The following PEX2 variants were observed in gnomAD, a reference collection of about 807,000 sequenced individuals.
PEX2 encodes the protein peroxisome biogenesis factor 2.
PEX2 carries 19 observed loss-of-function variants against 25.2 expected under a neutral mutation model. The ratio of observed to expected loss-of-function variants is 0.75; its 90% CI spans 0.53 to 1.10. PEX2 has a LOEUF of 1.10. PEX2 is among the 50% of genes least tolerant of loss of function. PEX2 has a pLI of 0.00. For synonymous variants in PEX2, 141 were observed against 127.7 expected (o/e 1.10, Z -0.70); for missense variants, 347 against 350.6 (o/e 0.99, Z 0.08).
At chr8:76,999,682 T>G (rs1238188346) in intron 1 of PEX2, 2 of 366,154 alleles carry the variant, frequency 5.5e-6, no homozygotes, top group Non-Finnish European at 1.1e-5. Flanking sequence ...GACCGCCAAA[T>G]GAGAGAAAAA....
At chr8:76,999,938 CTGAAAACAAGACCT>C (rs773847172) in intron 1 of PEX2, 38 bp downstream of exon 1, 6 of 456,640 alleles carry the variant, frequency 1.3e-5, no homozygotes, top group South Asian at 9.3e-5. Context: ...GACCTCCCAG[CTGAAAACAAGACCT>C]CGGGTTTGCA....
chr8:76,982,374 C>T lies in PEX2; in HGVS notation c.*887G>A, dbSNP rs1806856170. 1 of 152,208 alleles carries T rather than the reference C, an allele frequency of 6.6e-6. No homozygotes were observed. The highest frequency in any genetic ancestry group is 6.5e-5 in the Admixed American group (1 of 15,272). The allele number at this position is 152,208 out of a possible 1,614,324, so 9.4% of individuals were successfully genotyped here. A position where few individuals can be genotyped will look rare whatever the true frequency, so the allele number is the denominator to read the frequency against. On this transcript the variant is annotated 3_prime_UTR_variant, in exon 4 of 4. Coordinates refer to ENST00000357039, the MANE Select transcript of PEX2 (RefSeq NM_000318.3). ...AGACCTGTAAATAGTGCTGTTCATA[C>T]TAGTTGCCCCCAGTAGTTCCCAGGC...
At position 76,983,679 on chromosome 8, in the gene PEX2, G is replaced by A. The variant is rs959875758; in HGVS notation, c.500C>T (p.Thr167Ile). The part of the protein sequence containing the change: ...FLQRGKFATL[T>I]ERLLGIHSVF... The stretch of plus-strand genomic sequence containing the variant: ...AGAATGAATACCTAGGAGACGTTCT[G>A]TCAAAGTTGCAAACTTTCCCCTCTG... Residue 167 changes from threonine (T) to isoleucine (I), a missense_variant, in exon 4 of 4, where the codon ACA (threonine) becomes ATA (isoleucine). Physicochemically the swap from Thr to Ile is moderately conservative, Grantham distance 89 (BLOSUM62 -1). Coordinates refer to ENST00000357039, the MANE Select transcript of PEX2 (RefSeq NM_000318.3). 1 of 1,613,976 alleles carries A rather than the reference G, an allele frequency of 6.2e-7. No homozygotes were observed. Among genetic ancestry groups the A allele is most frequent in the African/African-American group, 1.3e-5 (1 of 74,916 alleles).
In PEX2 at chr8:76,981,821, A is replaced by G. The variant is rs1563604574; in HGVS notation, c.*1440T>C. ...GTTTTAAAATTACAGAAGGCAAAAG[A>G]AGGCAAATTCTTAAGATGTAAAATA... On this transcript the variant is annotated 3_prime_UTR_variant, in exon 4 of 4. Transcript: ENST00000357039. 1 of 152,230 alleles carries G rather than the reference A, an allele frequency of 6.6e-6. No individual in the cohort carries two copies. Among genetic ancestry groups the G allele is most frequent in the Non-Finnish European group, 1.5e-5 (1 of 68,040 alleles). The allele number at this position is 152,230 out of a possible 1,614,324, so 9.4% of individuals were successfully genotyped here.
intron 1 of PEX2, among the ~76,000 whole-genome samples, chr8:76,992,386 T>C (rs1263500464): frequency 6.6e-6 from 1 of 152,182 alleles, no homozygotes; most frequent in Non-Finnish European, 1.5e-5. Context: ...AAACTTGTAT[T>C]CATCACCAGC....
At chr8:76,984,812 G>A (rs976964366) in intron 3 of PEX2, among the ~76,000 whole-genome samples, 3 of 151,946 alleles carry the variant, frequency 2.0e-5, no homozygotes, top group African/African-American at 4.8e-5. Context: ...CGCTATTGCC[G>A]AAAATAAATA....
At chr8:76,992,497 C>T (rs547989879) in intron 1 of PEX2, among the ~76,000 whole-genome samples, 2 of 152,232 alleles carry the variant, frequency 1.3e-5, no homozygotes, top group South Asian at 4.2e-4. Context: ...AAAAGGGCAG[C>T]AAAGGAGTAG....
chr8:76,985,781 C>T (rs999775551), intron 3 of PEX2, among the ~76,000 whole-genome samples: 2 of 152,138 alleles, frequency 1.3e-5, no homozygotes, highest in East Asian at 1.9e-4. Context: ...ACATATTCTT[C>T]GACAAGTCAT....
At chr8:76,995,633 C>CT (rs1162137350) in intron 1 of PEX2, among the ~76,000 whole-genome samples, 2 of 152,188 alleles carry the variant, frequency 1.3e-5, no homozygotes, top group African/African-American at 2.4e-5. Context: ...GCACAAAATA[C>CT]TTTTTTTAAA....
Position 76,983,870 on chromosome 8 carries a change from T to C in PEX2, c.309A>G (p.Lys103=). The change falls in exon 4 of 4, where the codon AAA becomes AAG. Residue 103 remains lysine (K), a synonymous_variant. Coordinates refer to ENST00000357039, the MANE Select transcript of PEX2 (RefSeq NM_000318.3). ...CAATTGTACAAACAGCATACCAGAT[T>C]TTTTGATTTTTACTGGGTGGCTGAT... ...LRYQPPSKNQ[K]IWYAVCTIGG... is the part of the protein sequence containing the mutation. 1.2e-6 allele frequency: 2 copies of C among 1,614,158 alleles called. No homozygotes were observed. The highest frequency in any genetic ancestry group is 1.1e-5 in the South Asian group (1 of 91,084).
intron 1 of PEX2, among the ~76,000 whole-genome samples, chr8:76,992,005 TG>T (rs1477683285): frequency 6.6e-6 from 1 of 152,172 alleles, no homozygotes; most frequent in Non-Finnish European, 1.5e-5. Flanking sequence ...TCAATCAACC[TG>T]TATCAAAATG....
At chr8:76,999,065 A>G (rs1807419350) in intron 1 of PEX2, among the ~76,000 whole-genome samples, 1 of 152,068 alleles carries the variant, frequency 6.6e-6, no homozygotes, top group Non-Finnish European at 1.5e-5. Flanking sequence ...TCTTTCTGGA[A>G]ACAAGTAATT....
At position 76,984,031 on chromosome 8, in the gene PEX2, C is replaced by G; in HGVS notation, c.148G>C (p.Ala50Pro). 1 of 1,613,430 alleles carries G rather than the reference C, an allele frequency of 6.2e-7. No individual in the cohort carries two copies. Among genetic ancestry groups the G allele is most frequent in the Non-Finnish European group, 8.5e-7 (1 of 1,179,540 alleles). Residue 50 changes from alanine to proline, a missense_variant, in exon 4 of 4, where the codon GCT becomes CCT. Coordinates refer to ENST00000357039, the MANE Select transcript of PEX2 (RefSeq NM_000318.3). ...CFHGFKPGLLARFEPEVKACL... is the reference protein window; with the variant it reads ...CFHGFKPGLLPRFEPEVKACL... ...GCTTTCACCTCTGGCTCAAAGCGAG[C>G]TAACAGCCCAGGTTTAAATCCATGA...
At chr8:77,000,383 G>C, upstream of PEX2, 1 of 97,384 alleles carries the variant, frequency 1.0e-5, no homozygotes, top group Non-Finnish European at 2.6e-5. Flanking sequence ...AGTGTCGAGG[G>C]GCCTAGGGGA....
At chr8:76,992,413 T>C (rs1246080943) in intron 1 of PEX2, among the ~76,000 whole-genome samples, 1 of 152,204 alleles carries the variant, frequency 6.6e-6, no homozygotes, top group African/African-American at 2.4e-5. Flanking sequence ...CATTCAGTTC[T>C]TCCTCATCAC....
intron 1 of PEX2, among the ~76,000 whole-genome samples, chr8:76,993,219 A>G (rs1431631813): frequency 6.6e-6 from 1 of 152,232 alleles, no homozygotes; most frequent in Non-Finnish European, 1.5e-5. Context: ...ATGAATAATC[A>G]TTGAAGAGAA....
chr8:76,989,848 T>C lies in PEX2; in HGVS notation c.-159-1510A>G, dbSNP rs144449652. Among the ~76,000 whole-genome samples the C allele has an allele frequency of 5.4e-3, 823 of 152,300 alleles. 13 individuals carry two copies. Among genetic ancestry groups the C allele is most frequent in the African/African-American group, 0.019 (780 of 41,560 alleles). Reference sequence around the variant, plus strand: ...AAGGGTCTTTGAATTTTTAGAATGGTAAATAAGCACTGGCTTCAACTTAAG... The same window carrying C: ...AAGGGTCTTTGAATTTTTAGAATGGCAAATAAGCACTGGCTTCAACTTAAG... On this transcript the variant is annotated intron_variant, in intron 1 of 3. Transcript: ENST00000357039.
chr8:77,000,827 C>T (rs943902421), upstream of PEX2: 1 of 152,370 alleles, frequency 6.6e-6, no homozygotes, highest in South Asian at 2.1e-4. Context: ...GCTCGCCTAC[C>T]CCTGGGGAAT....
intron 1 of PEX2, 39 bp downstream of exon 1, chr8:76,999,951 C>G: frequency 4.4e-6 from 2 of 456,612 alleles, no homozygotes; most frequent in Non-Finnish European, 8.8e-6. Flanking sequence ...AAAACAAGAC[C>G]TCGGGTTTGC....
Sources: allele counts gnomAD v4.1 joint callset (sites outside exome capture counted in the v4.1 genomes callset), GRCh38; gene constraint gnomAD v4.1.1; transcripts MANE v1.5; gene names NCBI Gene and HGNC (gene_info 2026-07-23, HGNC 2026-07-21).